Variants in CMKLR1 observed in about 807,000 individuals in gnomAD.
CMKLR1 encodes the protein chemerin chemokine-like receptor 1.
CMKLR1 carries 6 observed loss-of-function variants against 8.2 expected under a neutral mutation model. The observed-to-expected ratio is 0.73, with a 90% CI of 0.40 to 1.44. The LOEUF (loss-of-function observed/expected upper bound fraction) is 1.44. CMKLR1 is among the 40% of genes most tolerant of loss of function. The pLI is 0.02. For missense variants in CMKLR1, 429 were observed against 478.0 expected, an observed-to-expected ratio of 0.90 and a Z score of 0.96; for synonymous variants, 178 against 181.2, an observed-to-expected ratio of 0.98 and a Z score of 0.14.
intron 2 of CMKLR1, among the ~76,000 whole-genome samples, chr12:108,298,498 T>A (rs1047174910): frequency 6.6e-6 from 1 of 152,190 alleles, no homozygotes; most frequent in Admixed American, 6.5e-5. Context: ...CATTTACCGA[T>A]GTCTGTTCAC....
intron 2 of CMKLR1, among the ~76,000 whole-genome samples, chr12:108,309,656 C>A (rs368394361): frequency 2.6e-5 from 4 of 152,168 alleles, no homozygotes; most frequent in Non-Finnish European, 5.9e-5. Flanking sequence ...AGGAACAGAT[C>A]GTGGCACAGT....
chr12:108,313,529 G>T (rs1309390001), intron 2 of CMKLR1, among the ~76,000 whole-genome samples: 1 of 152,096 alleles, frequency 6.6e-6, no homozygotes, highest in Non-Finnish European at 1.5e-5. Context: ...CTGTAAAGGG[G>T]GTCAATGTAA....
intron 2 of CMKLR1, among the ~76,000 whole-genome samples, chr12:108,302,406 T>C (rs1891301486): frequency 6.6e-6 from 1 of 152,206 alleles, no homozygotes; most frequent in African/African-American, 2.4e-5. Flanking sequence ...ATGTCTTCTT[T>C]CCCCAGAAGC....
chr12:108,313,155 G>C (rs1891627830), intron 2 of CMKLR1, among the ~76,000 whole-genome samples: 1 of 152,152 alleles, frequency 6.6e-6, no homozygotes, highest in Non-Finnish European at 1.5e-5. Context: ...CACAGGGAAG[G>C]AGGGGCAGGC....
intron 2 of CMKLR1, among the ~76,000 whole-genome samples, chr12:108,310,163 C>CTG (rs35140046): frequency 0.11 from 16,099 of 142,354 alleles, 848 homozygotes; most frequent in African/African-American, 0.14. Flanking sequence ...TGGTTAGGGG[C>CTG]TGTGTGTGTG....
intron 2 of CMKLR1, among the ~76,000 whole-genome samples, chr12:108,306,275 GCCCCT>G (rs1488613893): frequency 4.6e-5 from 7 of 152,156 alleles, no homozygotes; most frequent in African/African-American, 1.4e-4. Flanking sequence ...TCCTGCTCTA[GCCCCT>G]CAGTCTAGGA....
Position 108,293,674 on chromosome 12 carries a change from A to AG in CMKLR1, c.-73-11_-73-10insC. ...ACACAGCTAGAAACACCTGTAGGGA[A>AG]AAAAAAAAAAAAAAAAGCAGCAATT... On this transcript the variant is annotated splice_polypyrimidine_tract_variant and intron_variant, in intron 2 of 3. Coordinates refer to ENST00000550402, the MANE Select transcript of CMKLR1 (RefSeq NM_001142343.2). 1 of 468,276 alleles carries AG rather than the reference A, an allele frequency of 2.1e-6. No individual in the cohort carries two copies. Among genetic ancestry groups the AG allele is most frequent in the South Asian group, 5.1e-5 (1 of 19,466 alleles). 29.0% of individuals were successfully genotyped at this position (468,276 alleles called of 1,614,324 possible).
chr12:108,299,158 G>A (rs954593303), intron 2 of CMKLR1, among the ~76,000 whole-genome samples: 3 of 152,196 alleles, frequency 2.0e-5, no homozygotes, highest in Non-Finnish European at 4.4e-5. Context: ...TTTGGGCTCT[G>A]GGATGCCCTG....
At chr12:108,322,372 C>G (rs1290380216) in intron 2 of CMKLR1, among the ~76,000 whole-genome samples, 1 of 152,210 alleles carries the variant, frequency 6.6e-6, no homozygotes, top group Non-Finnish European at 1.5e-5. Context: ...AACTCTACCT[C>G]TGCTCCACAC....
At chr12:108,305,947 G>A (rs1385423405) in intron 2 of CMKLR1, among the ~76,000 whole-genome samples, 1 of 152,182 alleles carries the variant, frequency 6.6e-6, no homozygotes, top group African/African-American at 2.4e-5. Flanking sequence ...AGCAGCTGAT[G>A]AGCTCACCGA....
At chr12:108,311,369 C>A (rs1290281949) in intron 2 of CMKLR1, among the ~76,000 whole-genome samples, 1 of 152,188 alleles carries the variant, frequency 6.6e-6, no homozygotes, top group African/African-American at 2.4e-5. Context: ...AATCCCAGCA[C>A]TTTGGGAGGC....
intron 2 of CMKLR1, among the ~76,000 whole-genome samples, chr12:108,315,738 A>G (rs1384202168): frequency 6.6e-6 from 1 of 152,190 alleles, no homozygotes; most frequent in African/African-American, 2.4e-5. Flanking sequence ...TCTATTTTCC[A>G]GATGCAAAGA....
In CMKLR1 at chr12:108,291,654, G is replaced by C. The variant is rs1016116522; in HGVS notation, c.*187C>G. 6.2e-6 allele frequency: 4 copies of C among 647,302 alleles called. No homozygotes were observed. Among genetic ancestry groups the C allele is most frequent in the Non-Finnish European group, 1.1e-5 (4 of 372,808 alleles). 40.1% of individuals were successfully genotyped at this position (647,302 alleles called of 1,614,324 possible). On this transcript the variant is annotated 3_prime_UTR_variant, in exon 4 of 4. Coordinates refer to ENST00000550402, the MANE Select transcript of CMKLR1 (RefSeq NM_001142343.2). ...CTAGTCCAAGGCTGTATGGAACACA[G>C]CATGTTCTGTCCACTAGAAGAAAGG...
rs374433270 is a variant in CMKLR1, at chr12:108,292,358, G to A, written c.605C>T (p.Ser202Leu). ...NFSLSTPGSS[S>L]WPTHSQMDPV... is the part of the protein sequence containing the mutation. ...GTCCATTTGGGAGTGAGTGGGCCACGAGGAAGACCCAGGTGTGGACAGGCT... is the reference window on the plus strand; with the variant it reads ...GTCCATTTGGGAGTGAGTGGGCCACAAGGAAGACCCAGGTGTGGACAGGCT... Residue 202 changes from serine (S) to leucine (L), a missense_variant, in exon 4 of 4, where the codon TCG becomes TTG. Coordinates refer to ENST00000550402, the MANE Select transcript of CMKLR1 (RefSeq NM_001142343.2). The A allele has an allele frequency of 1.6e-5, 26 of 1,614,160 alleles. No homozygotes were observed. In the Admixed American group the frequency reaches 1.7e-4, roughly 10 times the overall value.
chr12:108,308,818 T>C (rs1285191802), intron 2 of CMKLR1, among the ~76,000 whole-genome samples: 1 of 152,138 alleles, frequency 6.6e-6, no homozygotes, highest in Non-Finnish European at 1.5e-5. Context: ...CCTCCATCCT[T>C]CCAAGAAATA....
Position 108,288,956 on chromosome 12 carries a change from C to CCT in CMKLR1, c.*2884_*2885insAG, listed in dbSNP as rs1555250062. On this transcript the variant is annotated 3_prime_UTR_variant, in exon 4 of 4. Transcript: ENST00000550402. ...TGAAACAGAAACTCACTTTCTGCACCCCCCCCCCACCTTGCTATGATGGTC... is the reference window on the plus strand; with the variant it reads ...TGAAACAGAAACTCACTTTCTGCACCCTCCCCCCCCACCTTGCTATGATGGTC... The CCT allele has an allele frequency of 1.1e-4, 16 of 144,040 alleles. No individual in the cohort carries two copies. The highest frequency in any genetic ancestry group is 4.0e-4 in the African/African-American group (16 of 39,930). The allele number at this position is 144,040 out of a possible 1,614,324, so 8.9% of individuals were successfully genotyped here. A position where few individuals can be genotyped will look rare whatever the true frequency, so the allele number is the denominator to read the frequency against.
intron 2 of CMKLR1, among the ~76,000 whole-genome samples, chr12:108,310,163 C>CAG (rs1232423183): frequency 7.0e-6 from 1 of 142,418 alleles, no homozygotes; most frequent in Non-Finnish European, 1.5e-5. Flanking sequence ...TGGTTAGGGG[C>CAG]TGTGTGTGTG....
chr12:108,322,909 G>C (rs1325582346), intron 2 of CMKLR1, among the ~76,000 whole-genome samples: 2 of 152,146 alleles, frequency 1.3e-5, no homozygotes, highest in Non-Finnish European at 2.9e-5. Flanking sequence ...TGCCACAGCT[G>C]GGCACCTACT....
At chr12:108,314,053 C>G (rs1891655577) in intron 2 of CMKLR1, among the ~76,000 whole-genome samples, 2 of 152,150 alleles carry the variant, frequency 1.3e-5, no homozygotes, top group Admixed American at 1.3e-4. Flanking sequence ...AGGGGTGCCA[C>G]AATATGGTTT....
Sources: allele counts gnomAD v4.1 joint callset (sites outside exome capture counted in the v4.1 genomes callset), GRCh38; gene constraint gnomAD v4.1.1; transcripts MANE v1.5; gene names NCBI Gene and HGNC (gene_info 2026-07-23, HGNC 2026-07-21).